Variants in MTX2 observed in about 807,000 individuals in gnomAD.
MTX2 encodes metaxin-2.
Under a neutral mutation model 42.3 loss-of-function variants are expected in MTX2, and 35 were observed. That is an observed-to-expected ratio of 0.83 (90% CI 0.63 to 1.10). The LOEUF is 1.10. Ranked by LOEUF, MTX2 falls within the 50% of genes least tolerant of loss-of-function variation. MTX2 has a pLI of 0.00. For missense variants in MTX2, 307 were observed against 304.1 expected (o/e 1.01, Z -0.07); for synonymous variants, 119 against 100.9 (o/e 1.18, Z -1.08).
intron 1 of MTX2, 146 bp from the exon 2 acceptor site, chr2:176,296,714 A>G (rs1254302447): frequency 1.4e-6 from 1 of 736,858 alleles, no homozygotes; most frequent in Non-Finnish European, 2.4e-6. Flanking sequence ...CATAGAATCT[A>G]AGATAGTGTG....
At chr2:176,284,921 C>T (rs903926253) in intron 1 of MTX2, among the ~76,000 whole-genome samples, 38 of 152,148 alleles carry the variant, frequency 2.5e-4, no homozygotes, top group African/African-American at 9.2e-4. Context: ...TTTTGGTCCT[C>T]ATCTCTACAG....
intron 8 of MTX2, among the ~76,000 whole-genome samples, chr2:176,330,189 T>C (rs183907192): frequency 3.0e-4 from 45 of 151,080 alleles, no homozygotes; most frequent in African/African-American, 1.1e-3. Flanking sequence ...TTAAGCAGAT[T>C]TTTTGGTATA....
At chr2:176,270,046 G>T (rs574579892) in intron 1 of MTX2, among the ~76,000 whole-genome samples, 1 of 152,186 alleles carries the variant, frequency 6.6e-6, no homozygotes, top group Admixed American at 6.5e-5. Flanking sequence ...TCTGGGTCTT[G>T]GTACTCAAAA....
intron 1 of MTX2, among the ~76,000 whole-genome samples, chr2:176,271,477 T>C (rs879770670): frequency 9.9e-5 from 15 of 151,944 alleles, no homozygotes; most frequent in Non-Finnish European, 1.6e-4. Context: ...ACCAACAGAA[T>C]CAAGGACAAA....
Position 176,337,712 on chromosome 2 carries a change from T to G in MTX2, c.*48T>G, listed in dbSNP as rs755173072. On this transcript the variant is annotated 3_prime_UTR_variant, in exon 10 of 10. Transcript: ENST00000249442. ...TCTTAACTTTTGAAATATGTTTTAC[T>G]TGAATGTTACATTAGATATTGGTGT... The G allele has an allele frequency of 3.4e-6, 5 of 1,459,632 alleles. No individual in the cohort carries two copies. In the South Asian group the frequency reaches 6.0e-5, roughly 18 times the overall value. 90.4% of individuals were successfully genotyped at this position (1,459,632 alleles called of 1,614,324 possible).
intron 1 of MTX2, among the ~76,000 whole-genome samples, chr2:176,290,711 T>C (rs1310662797): frequency 1.3e-5 from 2 of 151,944 alleles, no homozygotes; most frequent in Middle Eastern, 6.9e-3. Context: ...TTGCCCAGTT[T>C]AGGATTTCAA....
intron 9 of MTX2, among the ~76,000 whole-genome samples, chr2:176,336,534 A>G (rs925779016): frequency 2.0e-5 from 3 of 151,986 alleles, no homozygotes; most frequent in Non-Finnish European, 4.4e-5. Context: ...TATTAAAACA[A>G]CTTTATAATT....
intron 3 of MTX2, among the ~76,000 whole-genome samples, chr2:176,308,216 T>C (rs1007143469): frequency 3.3e-5 from 5 of 152,246 alleles, no homozygotes; most frequent in African/African-American, 9.6e-5. Context: ...GATTTGCGTA[T>C]GTTGAACCAG....
chr2:176,287,462 G>A (rs1340907464), intron 1 of MTX2, among the ~76,000 whole-genome samples: 1 of 152,132 alleles, frequency 6.6e-6, no homozygotes, highest in Non-Finnish European at 1.5e-5. Flanking sequence ...TGTTTTGGAT[G>A]TTTGATTTTT....
chr2:176,289,376 C>T (rs1251735838), intron 1 of MTX2, among the ~76,000 whole-genome samples: 1 of 151,922 alleles, frequency 6.6e-6, no homozygotes, highest in African/African-American at 2.4e-5. Context: ...AAAACTCTCC[C>T]ACTAAAGCCT....
intron 3 of MTX2, among the ~76,000 whole-genome samples, chr2:176,310,413 T>G (rs568634177): frequency 2.6e-5 from 4 of 152,292 alleles, no homozygotes; most frequent in South Asian, 2.1e-4. Flanking sequence ...CTTTGTGGTG[T>G]TCTCTGTATT....
At chr2:176,296,092 A>G (rs1350497021) in intron 1 of MTX2, among the ~76,000 whole-genome samples, 1 of 152,160 alleles carries the variant, frequency 6.6e-6, no homozygotes, top group Non-Finnish European at 1.5e-5. Flanking sequence ...CAAATCTAGT[A>G]CTTTTCCCAA....
intron 1 of MTX2, among the ~76,000 whole-genome samples, chr2:176,296,655 AC>A (rs1324022599): frequency 1.3e-5 from 2 of 152,162 alleles, no homozygotes; most frequent in Admixed American, 1.3e-4. Flanking sequence ...CAAACAATAA[AC>A]CAAACATGCT....
intron 1 of MTX2, among the ~76,000 whole-genome samples, chr2:176,285,373 G>A (rs900587948): frequency 3.4e-5 from 5 of 148,954 alleles, no homozygotes; most frequent in Admixed American, 2.7e-4. Flanking sequence ...TTATAATTCA[G>A]TGATTTTTAG....
chr2:176,283,918 A>G (rs2105401191), intron 1 of MTX2, among the ~76,000 whole-genome samples: 1 of 151,216 alleles, frequency 6.6e-6, no homozygotes, highest in African/African-American at 2.4e-5. Flanking sequence ...TGTTGATCTC[A>G]TATTCATTTT....
intron 3 of MTX2, among the ~76,000 whole-genome samples, chr2:176,322,254 A>G (rs1398062099): frequency 6.6e-6 from 1 of 152,144 alleles, no homozygotes; most frequent in Non-Finnish European, 1.5e-5. Context: ...CTTAACACTT[A>G]AGAGTCTTAA....
At chr2:176,278,396 TTGATAATAAGATC>T (rs1361806706) in intron 1 of MTX2, among the ~76,000 whole-genome samples, 109 of 152,262 alleles carry the variant, frequency 7.2e-4, no homozygotes. Flanking sequence ...TTTGAAAACT[TTGATAATAAGATC>T]CCTTCAGAGG....
intron 3 of MTX2, among the ~76,000 whole-genome samples, chr2:176,319,836 A>G (rs1684534266): frequency 6.6e-6 from 1 of 152,038 alleles, no homozygotes; most frequent in South Asian, 2.1e-4. Context: ...GGCCTCCCAA[A>G]GTGCTGCGAT....
intron 3 of MTX2, among the ~76,000 whole-genome samples, chr2:176,317,123 T>G (rs1225443139): frequency 1.3e-5 from 2 of 152,062 alleles, no homozygotes; most frequent in African/African-American, 4.8e-5. Context: ...CTAGACAATA[T>G]TTTTTACATT....
Sources: allele counts gnomAD v4.1 joint callset (sites outside exome capture counted in the v4.1 genomes callset), GRCh38; gene constraint gnomAD v4.1.1; transcripts MANE v1.5; gene names NCBI Gene and HGNC (gene_info 2026-07-23, HGNC 2026-07-21).